The following RANBP2 variants were observed in gnomAD, a reference collection of about 807,000 sequenced individuals.
RANBP2 encodes the protein RAN binding protein 2.
A neutral mutation model predicts 303.6 loss-of-function variants in RANBP2; 57 were observed. That is an observed-to-expected ratio of 0.19 (90% CI 0.15 to 0.23). The LOEUF (loss-of-function observed/expected upper bound fraction) is 0.23, where lower values mean the gene tolerates loss of function less well. Ranked by LOEUF, RANBP2 falls within the 10% of genes least tolerant of loss-of-function variation. The pLI, the probability that RANBP2 is intolerant of heterozygous loss-of-function variation, is 1.00. For missense variants in RANBP2, 3,138 were observed against 3,780.8 expected, an observed-to-expected ratio of 0.83 and a Z score of 4.46; for synonymous variants, 1,167 against 1,301.5, an observed-to-expected ratio of 0.90 and a Z score of 2.23.
chr2:108,774,984 G>A (rs13391536), intron 23 of RANBP2, among the ~76,000 whole-genome samples: 14,356 of 151,940 alleles, frequency 0.094, 2,284 homozygotes, highest in African/African-American at 0.32. Flanking sequence ...GAGCCACTGG[G>A]CCCGGCCTAG....
At chr2:108,850,407 A>G in the RANBP2 span, among the ~76,000 whole-genome samples, 2 of 152,160 alleles carry the variant, frequency 1.3e-5, no homozygotes, top group African/African-American at 4.8e-5. Flanking sequence ...TAGACTGTTC[A>G]TATAAGAATC....
the RANBP2 span, chr2:108,930,894 G>A: frequency 6.5e-7 from 1 of 1,542,348 alleles, no homozygotes; most frequent in Non-Finnish European, 9.0e-7. Context: ...TACAGCTGAA[G>A]AGGCCAAGAA....
the RANBP2 span, among the ~76,000 whole-genome samples, chr2:109,601,798 T>C: frequency 1.3e-5 from 2 of 152,082 alleles, no homozygotes. Flanking sequence ...TCTTCCTTTA[T>C]GATGTCTTAC....
chr2:108,760,332 A>T (rs542398478), intron 18 of RANBP2, among the ~76,000 whole-genome samples: 1 of 151,332 alleles, frequency 6.6e-6, no homozygotes, highest in East Asian at 2.0e-4. Flanking sequence ...TAGATGAGCT[A>T]GCCTGTTTTT....
the RANBP2 span, among the ~76,000 whole-genome samples, chr2:109,234,429 C>A: frequency 6.6e-6 from 1 of 152,202 alleles, no homozygotes; most frequent in Non-Finnish European, 1.5e-5. Context: ...CCACGAATGT[C>A]TCATGGAGCT....
chr2:108,921,048 G>A, the RANBP2 span, among the ~76,000 whole-genome samples: 1 of 152,278 alleles, frequency 6.6e-6, no homozygotes, highest in South Asian at 2.1e-4. Context: ...ATCGGGGGTG[G>A]GCCAAGCAAT....
At chr2:108,742,335 C>T (rs1178036393) in intron 7 of RANBP2, among the ~76,000 whole-genome samples, 3 of 151,706 alleles carry the variant, frequency 2.0e-5, no homozygotes, top group Non-Finnish European at 2.9e-5. Flanking sequence ...GACGGAGTCT[C>T]GCTCTGTCAC....
the RANBP2 span, among the ~76,000 whole-genome samples, chr2:108,906,797 C>T: frequency 6.6e-6 from 1 of 152,220 alleles, no homozygotes; most frequent in Non-Finnish European, 1.5e-5. Flanking sequence ...CTGAAGAGTC[C>T]CGGGGCCATG....
chr2:109,110,355 C>T, the RANBP2 span, among the ~76,000 whole-genome samples: 1 of 152,134 alleles, frequency 6.6e-6, no homozygotes, highest in African/African-American at 2.4e-5. Context: ...GAACCACTAA[C>T]CCAGGCAGAT....
At chr2:109,668,744 A>C in the RANBP2 span, among the ~76,000 whole-genome samples, 1 of 152,264 alleles carries the variant, frequency 6.6e-6, no homozygotes, top group African/African-American at 2.4e-5. Flanking sequence ...CATTACAAAC[A>C]ATATTGAAAA....
chr2:109,661,678 A>G, the RANBP2 span, among the ~76,000 whole-genome samples: 1 of 152,222 alleles, frequency 6.6e-6, no homozygotes, highest in Non-Finnish European at 1.5e-5. Flanking sequence ...GAGCCTAGAA[A>G]GTGCAAGACA....
At chr2:109,349,771 C>T in the RANBP2 span, among the ~76,000 whole-genome samples, 1 of 152,238 alleles carries the variant, frequency 6.6e-6, no homozygotes. Flanking sequence ...AGGCCTGCTT[C>T]TCTGGGCAGA....
chr2:108,935,078 C>T, the RANBP2 span, among the ~76,000 whole-genome samples: 103 of 152,320 alleles, frequency 6.8e-4, no homozygotes, highest in Non-Finnish European at 1.2e-3. Flanking sequence ...TATAAGAGAC[C>T]GCATGACCAG....
chr2:109,352,629 C>T, the RANBP2 span, among the ~76,000 whole-genome samples: 4 of 152,338 alleles, frequency 2.6e-5, no homozygotes, highest in East Asian at 3.9e-4. Flanking sequence ...CTGGGCACCC[C>T]GCTTGGGCTA....
chr2:108,752,880 T>C (rs1676013079), intron 12 of RANBP2, 118 bp from the exon 13 acceptor site: 6 of 1,589,422 alleles, frequency 3.8e-6, no homozygotes, highest in African/African-American at 1.4e-5. Flanking sequence ...CAAATGACTA[T>C]TGAGATACCA....
chr2:108,992,590 A>G, the RANBP2 span, among the ~76,000 whole-genome samples: 1 of 152,212 alleles, frequency 6.6e-6, no homozygotes, highest in Non-Finnish European at 1.5e-5. Context: ...CACAGCAAGT[A>G]AACTTCTGGT....
At chr2:109,243,309 C>G in the RANBP2 span, among the ~76,000 whole-genome samples, 1 of 152,264 alleles carries the variant, frequency 6.6e-6, no homozygotes, top group South Asian at 2.1e-4. Flanking sequence ...CTGAGACTCC[C>G]GTGTGCTTTT....
the RANBP2 span, among the ~76,000 whole-genome samples, chr2:109,462,678 T>C: frequency 6.6e-6 from 1 of 152,198 alleles, no homozygotes; most frequent in African/African-American, 2.4e-5. Flanking sequence ...ATAACAGCCC[T>C]CTCTCCACAG....
the RANBP2 span, among the ~76,000 whole-genome samples, chr2:109,634,119 C>CAAAAAAAAAAA: frequency 3.6e-4 from 20 of 56,092 alleles, no homozygotes; most frequent in Non-Finnish European, 4.3e-4. Context: ...GACTCTGTCT[C>CAAAAAAAAAAA]AAAAAAAAAA....
Sources: gnomAD v4.1 joint callset for allele counts (sites outside exome capture counted in the v4.1 genomes callset) on GRCh38, gnomAD v4.1.1 for gene constraint, MANE v1.5 for transcripts, NCBI Gene and HGNC (gene_info 2026-07-23, HGNC 2026-07-21) for gene names.